CCDC149: variants seen among roughly 807,000 people sequenced by gnomAD.
CCDC149 encodes the protein coiled-coil domain containing 149.
CCDC149 carries 45 observed loss-of-function variants against 59.9 expected under a neutral mutation model. The observed-to-expected ratio is 0.75, with a 90% CI of 0.59 to 0.96. The LOEUF is 0.96. Among genes scored for constraint, CCDC149 ranks in the 40% least tolerant of loss-of-function variants. The pLI is 0.00. For synonymous variants in CCDC149, 245 were observed against 260.6 expected (o/e 0.94, Z 0.58); for missense variants, 584 against 664.7 (o/e 0.88, Z 1.33).
chr4:24,896,341 C>G (rs1168596185), intron 1 of CCDC149, among the ~76,000 whole-genome samples: 1 of 152,156 alleles, frequency 6.6e-6, no homozygotes, highest in Non-Finnish European at 1.5e-5. Flanking sequence ...GCCTGAGACA[C>G]AGTAAATCCT....
At chr4:24,813,425 G>C (rs146271853) in intron 12 of CCDC149, among the ~76,000 whole-genome samples, 23 of 147,308 alleles carry the variant, frequency 1.6e-4, no homozygotes, top group African/African-American at 5.8e-4. Flanking sequence ...ACCAAACATG[G>C]CTTGGATTTC....
At chr4:24,949,944 T>A (rs1216155302) in intron 1 of CCDC149, among the ~76,000 whole-genome samples, 1 of 151,892 alleles carries the variant, frequency 6.6e-6, no homozygotes, top group Non-Finnish European at 1.5e-5. Context: ...ACAGCAGAGG[T>A]GGCCGTGAAG....
chr4:24,826,521 C>T (rs1444540063), intron 9 of CCDC149, among the ~76,000 whole-genome samples: 1 of 152,018 alleles, frequency 6.6e-6, no homozygotes, highest in Non-Finnish European at 1.5e-5. Flanking sequence ...GGAAGAAAGG[C>T]AAAGATCTGA....
chr4:24,924,540 GC>G (rs1722382986), intron 1 of CCDC149, among the ~76,000 whole-genome samples: 1 of 152,166 alleles, frequency 6.6e-6, no homozygotes, highest in African/African-American at 2.4e-5. Context: ...TCTTTTGCAT[GC>G]CTGACACCTA....
chr4:24,926,936 A>T lies in CCDC149; in HGVS notation c.-64-31818T>A, dbSNP rs535157718. ...AGCATGGCAGCCTCAGGACAGTCAC[A>T]CTCCTTACAGGCAGCACGGCTCCTA... On this transcript the variant is annotated intron_variant, in intron 1 of 12. Coordinates refer to the CCDC149 transcript ENST00000389609. Among the ~76,000 whole-genome samples, 51 of 152,142 alleles carry T rather than the reference A, an allele frequency of 3.4e-4. 1 individual carries two copies. The Middle Eastern group carries it at 0.037, about 112-fold the overall frequency.
chr4:24,938,900 C>G (rs1179206473), intron 1 of CCDC149, among the ~76,000 whole-genome samples: 4 of 152,230 alleles, frequency 2.6e-5, no homozygotes, highest in Non-Finnish European at 5.9e-5. Context: ...GGCCGGGAAG[C>G]TTGAACTGGG....
chr4:24,956,991 A>C (rs1723485600), intron 1 of CCDC149, among the ~76,000 whole-genome samples: 1 of 152,240 alleles, frequency 6.6e-6, no homozygotes, highest in African/African-American at 2.4e-5. Flanking sequence ...ATCCCATGGT[A>C]CTAAGCACAT....
chr4:24,914,998 G>C (rs1722084046), upstream of CCDC149, among the ~76,000 whole-genome samples: 2 of 152,352 alleles, frequency 1.3e-5, no homozygotes, highest in East Asian at 3.9e-4. Context: ...CATGGTCCCT[G>C]TCCTAGGGGG....
rs1396208673 is a variant in CCDC149, at chr4:24,837,546, T to C, written c.490-146A>G. On this transcript the variant is annotated intron_variant, in intron 5 of 12. Transcript: ENST00000635206. The surrounding 1 kb of genome is among the most constrained non-coding windows in gnomAD (Gnocchi z 4.3). ...CCCTAAAGCCATAAGCGCCACACACTGAAATACAATAACAGCTAAAAGCGA... is the reference window on the plus strand; with the variant it reads ...CCCTAAAGCCATAAGCGCCACACACCGAAATACAATAACAGCTAAAAGCGA... The C allele has an allele frequency of 1.4e-5, 9 of 662,618 alleles. No homozygotes were observed. In the Admixed American group the frequency reaches 2.0e-4, roughly 15 times the overall value. The allele number at this position is 662,618 out of a possible 1,614,324, so 41.0% of individuals were successfully genotyped here.
intron 9 of CCDC149, among the ~76,000 whole-genome samples, chr4:24,826,569 C>A (rs1045955585): frequency 6.6e-6 from 1 of 152,018 alleles, no homozygotes; most frequent in Non-Finnish European, 1.5e-5. Context: ...CAGCTCACCA[C>A]CAGAGGATGC....
intron 1 of CCDC149, among the ~76,000 whole-genome samples, chr4:24,950,975 A>C (rs929554624): frequency 6.6e-6 from 1 of 152,178 alleles, no homozygotes; most frequent in African/African-American, 2.4e-5. Flanking sequence ...AGATTCCCTC[A>C]ACATCATAGC....
intron 12 of CCDC149, among the ~76,000 whole-genome samples, chr4:24,818,773 G>A (rs1715179459): frequency 6.6e-6 from 1 of 152,194 alleles, no homozygotes; most frequent in Non-Finnish European, 1.5e-5. Flanking sequence ...GAGAGCACAA[G>A]GGACAAGTCT....
intron 1 of CCDC149, among the ~76,000 whole-genome samples, chr4:24,910,467 C>T (rs1684619537): frequency 6.6e-6 from 1 of 152,090 alleles, no homozygotes; most frequent in African/African-American, 2.4e-5. Context: ...GAGCAGGATA[C>T]ATAATTCAAC....
intron 1 of CCDC149, among the ~76,000 whole-genome samples, chr4:24,963,804 A>G (rs559727522): frequency 9.2e-5 from 14 of 152,364 alleles, no homozygotes; most frequent in African/African-American, 3.1e-4. Flanking sequence ...ATGCTTTAAC[A>G]AGCAATTACA....
At chr4:24,862,033 G>C (rs1369284463) in intron 3 of CCDC149, among the ~76,000 whole-genome samples, 1 of 152,192 alleles carries the variant, frequency 6.6e-6, no homozygotes, top group South Asian at 2.1e-4. Context: ...AGGAAGAAGA[G>C]AGAGACTCCT....
chr4:24,804,507 A>G (rs1342350519), downstream of CCDC149, among the ~76,000 whole-genome samples: 1 of 151,658 alleles, frequency 6.6e-6, no homozygotes, highest in African/African-American at 2.4e-5. Context: ...AAAAAAAAAA[A>G]AAGAAGTAGG....
chr4:24,931,704 GTCTTTGCCACTTATGCA>G (rs1722591074), intron 1 of CCDC149, among the ~76,000 whole-genome samples: 1 of 151,478 alleles, frequency 6.6e-6, no homozygotes, highest in African/African-American at 2.4e-5. Flanking sequence ...GAGCATTATT[GTCTTTGCCACTTATGCA>G]TCTTCCAGAA....
chr4:24,897,106 G>T (rs1720890968), intron 1 of CCDC149, among the ~76,000 whole-genome samples: 1 of 152,148 alleles, frequency 6.6e-6, no homozygotes, highest in Admixed American at 6.6e-5. Context: ...GGTCAGAGAG[G>T]CATGGCTAGA....
chr4:24,880,881 C>G (rs945182717), intron 1 of CCDC149, among the ~76,000 whole-genome samples: 2 of 152,160 alleles, frequency 1.3e-5, no homozygotes, highest in African/African-American at 4.8e-5. Flanking sequence ...CGTTTCCACA[C>G]CTGGAAGATG....
Sources: gnomAD v4.1 joint callset for allele counts (sites outside exome capture counted in the v4.1 genomes callset) on GRCh38, gnomAD v4.1.1 for gene constraint, Gnocchi (gnomAD v3.1) non-coding constraint, MANE v1.5 for transcripts, NCBI Gene and HGNC (gene_info 2026-07-23, HGNC 2026-07-21) for gene names.